MLPH: variants seen among roughly 807,000 people sequenced by gnomAD.
MLPH encodes melanophilin.
Under a neutral mutation model 72.1 loss-of-function variants are expected in MLPH, and 51 were observed. The observed-to-expected ratio is 0.71, with a 90% CI of 0.56 to 0.89. The LOEUF is 0.89. Among genes scored for constraint, MLPH ranks in the 40% least tolerant of loss-of-function variants. The pLI, the probability that MLPH is intolerant of heterozygous loss-of-function variation, is 0.00. For synonymous variants in MLPH, 301 were observed against 310.1 expected, an observed-to-expected ratio of 0.97 and a Z score of 0.31; for missense variants, 743 against 759.9, an observed-to-expected ratio of 0.98 and a Z score of 0.26.
chr2:237,518,245 G>T, intron 4 of MLPH: 1 of 508,822 alleles, frequency 2.0e-6, no homozygotes. Flanking sequence ...ATGGGTGGGT[G>T]GATGGATTGA....
intron 4 of MLPH, among the ~76,000 whole-genome samples, chr2:237,515,258 G>A (rs1409637354): frequency 6.6e-6 from 1 of 152,152 alleles, no homozygotes; most frequent in South Asian, 2.1e-4. Flanking sequence ...TCTCCATCTC[G>A]CAGGAGGCTT....
At chr2:237,529,001 G>A (rs2080363264) in intron 8 of MLPH, among the ~76,000 whole-genome samples, 1 of 152,138 alleles carries the variant, frequency 6.6e-6, no homozygotes, top group Non-Finnish European at 1.5e-5. Flanking sequence ...TTTACAAGAG[G>A]AGGAAATAAT....
intron 4 of MLPH, among the ~76,000 whole-genome samples, chr2:237,517,709 A>ATAAGTAAGTGGG (rs2080075319): frequency 1.5e-5 from 2 of 134,022 alleles, no homozygotes; most frequent in Admixed American, 1.4e-4. Context: ...GGATGGATGG[A>ATAAGTAAGTGGG]TGGATGGATA....
chr2:237,534,515 T>C (rs2106361205), intron 8 of MLPH, 49 bp from the exon 9 acceptor site: 1 of 1,487,494 alleles, frequency 6.7e-7, no homozygotes, highest in East Asian at 2.3e-5. Flanking sequence ...GTCTTGCTGG[T>C]TGGAGTGCAC....
intron 2 of MLPH, among the ~76,000 whole-genome samples, chr2:237,497,688 G>A (rs2079562801): frequency 6.8e-6 from 1 of 147,496 alleles, no homozygotes; most frequent in Non-Finnish European, 1.5e-5. Context: ...ATGATGAAAC[G>A]GAAGATAACT....
intron 2 of MLPH, among the ~76,000 whole-genome samples, chr2:237,507,083 T>TTTTTTTTTTTTC (rs2079793233): frequency 7.1e-6 from 1 of 141,598 alleles, no homozygotes; most frequent in African/African-American, 2.6e-5. Flanking sequence ...TTTTTTTTTT[T>TTTTTTTTTTTTC]GAGACAAAGT....
intron 9 of MLPH, among the ~76,000 whole-genome samples, chr2:237,536,304 T>A (rs539451429): frequency 1.6e-4 from 24 of 152,250 alleles, no homozygotes; most frequent in South Asian, 6.2e-4. Context: ...CACAGCTGCC[T>A]TTATCTATAA....
chr2:237,538,208 T>C (rs74003105), intron 9 of MLPH, among the ~76,000 whole-genome samples: 20,479 of 152,182 alleles, frequency 0.13, 1,565 homozygotes, highest in African/African-American at 0.17. Context: ...ACGCAACTGC[T>C]GGAACACCAA....
rs1375497897 is a variant in MLPH at position 237,554,150 on chromosome 2, C to T, written c.*558C>T. 1.2e-5 allele frequency: 3 copies of T among 241,952 alleles called. No homozygotes were observed. Among genetic ancestry groups the T allele is most frequent in the African/African-American group, 4.4e-5 (2 of 45,148 alleles). The allele number at this position is 241,952 out of a possible 1,614,324, so 15.0% of individuals were successfully genotyped here. A position where few individuals can be genotyped will look rare whatever the true frequency, so the allele number is the denominator to read the frequency against. On this transcript the variant is annotated 3_prime_UTR_variant, in exon 16 of 16. Coordinates refer to ENST00000264605, the MANE Select transcript of MLPH (RefSeq NM_024101.7). ...AATAGACACCCCAGTCCCCACCCTA[C>T]GTGCACCCGCTCTGCAAGTTCCCAT...
intron 2 of MLPH, chr2:237,507,448 T>C (rs777277019): frequency 6.6e-6 from 1 of 152,256 alleles, no homozygotes; most frequent in Non-Finnish European, 1.5e-5. Flanking sequence ...TTTGTTCAAA[T>C]CCATTGGTCT....
In MLPH at chr2:237,525,588, C is replaced by T; in HGVS notation, c.676-13C>T. The T allele has an allele frequency of 6.2e-7, 1 of 1,613,868 alleles. No homozygotes were observed. The highest frequency in any genetic ancestry group is 8.5e-7 in the Non-Finnish European group (1 of 1,179,824). On this transcript the variant is annotated splice_polypyrimidine_tract_variant and intron_variant, in intron 6 of 15. Transcript: ENST00000264605. Reference sequence around the variant, plus strand: ...AAACCCTGCAGAGGAGGCTGACAGCCCCATGTGCTTAGTCCCTCACAGATG... The same window carrying T: ...AAACCCTGCAGAGGAGGCTGACAGCTCCATGTGCTTAGTCCCTCACAGATG...
intron 1 of MLPH, among the ~76,000 whole-genome samples, chr2:237,491,137 T>C (rs1217050270): frequency 6.6e-6 from 1 of 152,182 alleles, no homozygotes; most frequent in African/African-American, 2.4e-5. Flanking sequence ...GGGGGAGTTT[T>C]GTTAGTATTT....
Position 237,493,547 on chromosome 2 carries a change from C to T in MLPH, c.110+11C>T, listed in dbSNP as rs201754288. Reference sequence around the variant, plus strand: ...AGAGGAACGGCTAGAGTGAGTGTGCCGTGCTGAGCCCACGGAGCCCGGGGT... The same window carrying T: ...AGAGGAACGGCTAGAGTGAGTGTGCTGTGCTGAGCCCACGGAGCCCGGGGT... On this transcript the variant is annotated intron_variant, in intron 2 of 15. Coordinates refer to ENST00000264605, the MANE Select transcript of MLPH (RefSeq NM_024101.7). 321 of 1,606,094 alleles carry T rather than the reference C, an allele frequency of 2.0e-4. 1 individual carries two copies. Among genetic ancestry groups the T allele is most frequent in the Non-Finnish European group, 2.4e-4 (283 of 1,173,084 alleles).
intron 8 of MLPH, among the ~76,000 whole-genome samples, chr2:237,533,635 G>C (rs2080471106): frequency 6.6e-6 from 1 of 152,212 alleles, no homozygotes; most frequent in South Asian, 2.1e-4. Context: ...CAGGTGATCT[G>C]CCTGAGTCCC....
At chr2:237,545,852 G>A (rs1039714271) in intron 12 of MLPH, 12 of 208,186 alleles carry the variant, frequency 5.8e-5, no homozygotes, top group Non-Finnish European at 1.0e-4. Flanking sequence ...CAACATTTAG[G>A]ACTTACACTA....
chr2:237,508,673 T>C (rs867136439), intron 2 of MLPH, among the ~76,000 whole-genome samples: 7 of 152,192 alleles, frequency 4.6e-5, no homozygotes, highest in Non-Finnish European at 7.3e-5. Flanking sequence ...TTCGAAATCA[T>C]TGGATCTAAT....
chr2:237,547,967 A>G (rs1346445018), intron 13 of MLPH, among the ~76,000 whole-genome samples: 1 of 152,178 alleles, frequency 6.6e-6, no homozygotes, highest in Non-Finnish European at 1.5e-5. Flanking sequence ...GGGAGCCTCA[A>G]GGAACATCTA....
intron 2 of MLPH, among the ~76,000 whole-genome samples, chr2:237,509,835 T>A (rs892593528): frequency 3.3e-5 from 5 of 152,190 alleles, no homozygotes; most frequent in African/African-American, 1.2e-4. Context: ...ATCAGTGTGC[T>A]TCAGAGTTCT....
In MLPH at chr2:237,512,529, G is replaced by T. The variant is rs1459629560; in HGVS notation, c.445+1428G>T. Among the ~76,000 whole-genome samples, 1 of 152,102 alleles carries T rather than the reference G, an allele frequency of 6.6e-6. No individual in the cohort carries two copies. The highest frequency in any genetic ancestry group is 1.5e-5 in the Non-Finnish European group (1 of 68,010). ...ATGCTGCAACAACAGATGTGACTAG[G>T]AACGGCCGGTGACATGGGGAGGGCC... On this transcript the variant is annotated intron_variant, in intron 4 of 15. Transcript: ENST00000264605. The surrounding 1 kb of genome is among the most constrained non-coding windows in gnomAD (Gnocchi z 5.5).
Sources: allele counts gnomAD v4.1 joint callset (sites outside exome capture counted in the v4.1 genomes callset), GRCh38; gene constraint gnomAD v4.1.1; non-coding constraint Gnocchi (gnomAD v3.1); transcripts MANE v1.5; gene names NCBI Gene and HGNC (gene_info 2026-07-23, HGNC 2026-07-21).